Variants in TXK observed in about 807,000 individuals in gnomAD.
TXK encodes the protein TXK tyrosine kinase, also known as tyrosine-protein kinase TXK.
In TXK, 60 loss-of-function variants were observed where a neutral mutation model predicts 81.0. The observed-to-expected ratio is 0.74, with a 90% CI of 0.60 to 0.92. The LOEUF is 0.92. Among genes scored for constraint, TXK ranks in the 40% least tolerant of loss-of-function variants. The probability of loss-of-function intolerance (pLI) is 0.00; values close to 1 mark genes in which losing one functional copy is unlikely to be tolerated. For missense variants in TXK, 581 were observed against 638.3 expected, an observed-to-expected ratio of 0.91 and a Z score of 0.97; for synonymous variants, 203 against 210.7, an observed-to-expected ratio of 0.96 and a Z score of 0.32.
intron 5 of TXK, among the ~76,000 whole-genome samples, chr4:48,106,693 A>C (rs953247034): frequency 1.3e-5 from 2 of 152,164 alleles, no homozygotes; most frequent in Non-Finnish European, 2.9e-5. Flanking sequence ...TCTCTTAGTA[A>C]ATGACTTTCT....
chr4:48,120,491 CTT>C (rs1217036533), intron 1 of TXK, among the ~76,000 whole-genome samples: 16 of 142,428 alleles, frequency 1.1e-4, no homozygotes, highest in Admixed American at 1.4e-4. Context: ...AAATAAGTCT[CTT>C]TTTTTTTTTT....
At chr4:48,112,649 A>C in intron 3 of TXK, 137 bp from the exon 4 acceptor site, 1 of 845,124 alleles carries the variant, frequency 1.2e-6, no homozygotes, top group Non-Finnish European at 1.8e-6. Context: ...GATGAGATAA[A>C]TGTAGAAAAG....
At chr4:48,114,606 G>A in intron 1 of TXK, 2 of 579,276 alleles carry the variant, frequency 3.5e-6, no homozygotes, top group East Asian at 2.9e-5. Context: ...CCCTTCTCAG[G>A]CTCTTCTCCT....
chr4:48,086,417 T>C (rs1044511668), intron 10 of TXK, 49 bp downstream of exon 10: 4 of 1,590,884 alleles, frequency 2.5e-6, no homozygotes, highest in Middle Eastern at 1.7e-4. Context: ...GTTGTTTCCA[T>C]GACACCAGGG....
intron 1 of TXK, among the ~76,000 whole-genome samples, chr4:48,125,188 TCAAACCCAGAGTC>T (rs1341175163): frequency 2.0e-5 from 3 of 152,172 alleles, no homozygotes; most frequent in Non-Finnish European, 2.9e-5. Context: ...GAGCCAGAAG[TCAAACCCAGAGTC>T]CATGAGCATC....
At position 48,128,622 on chromosome 4, in the gene TXK, G is replaced by GT. The variant is rs548641082; in HGVS notation, c.16+5532dup. On this transcript the variant is annotated intron_variant, in intron 1 of 14. Coordinates refer to ENST00000264316, the MANE Select transcript of TXK (RefSeq NM_003328.3). ...ACTCTGTCTCCCAGGCTGGAGTGTG[G>GT]TGGCACGATCTCAGCTCACTGCAAC... Among the ~76,000 whole-genome samples the GT allele has an allele frequency of 1.4e-3, 195 of 141,406 alleles. 1 individual carries two copies. The highest frequency in any genetic ancestry group is 5.1e-3 in the African/African-American group (190 of 37,012). 92.8% of individuals were successfully genotyped at this position (141,406 alleles called of 152,430 possible). A position where few individuals can be genotyped will look rare whatever the true frequency, so the allele number is the denominator to read the frequency against.
chr4:48,091,521 T>TC (rs1305509841), intron 8 of TXK, among the ~76,000 whole-genome samples: 1 of 151,994 alleles, frequency 6.6e-6, no homozygotes, highest in Non-Finnish European at 1.5e-5. Context: ...TTTTTTTTTT[T>TC]TGAGATGGAG....
chr4:48,126,054 T>C (rs1028640111), intron 1 of TXK, among the ~76,000 whole-genome samples: 2 of 152,280 alleles, frequency 1.3e-5, no homozygotes, highest in East Asian at 1.9e-4. Context: ...CTGGGCACCA[T>C]GGCCAAGCCA....
rs1560340146 is a variant in TXK at position 48,076,422 on chromosome 4, A to G, written c.1218T>C (p.Ile406=). 1 of 1,612,820 alleles carries G rather than the reference A, an allele frequency of 6.2e-7. No individual in the cohort carries two copies. The highest frequency in any genetic ancestry group is 8.5e-7 in the Non-Finnish European group (1 of 1,179,544). Residue 406 remains isoleucine (I), a synonymous_variant, in exon 12 of 15, where the codon ATT becomes ATC. Coordinates refer to ENST00000264316, the MANE Select transcript of TXK (RefSeq NM_003328.3). ...TGTACCTTGTCATTCCAAAGTCTGA[A>G]ATTTTTACTATGCATGTTGAACTGA... is the stretch of plus-strand genomic sequence containing the variant. ...CLVSSTCIVK[I]SDFGMTRYVL... is the part of the protein sequence containing the mutation.
At chr4:48,133,591 C>T (rs16861011) in intron 1 of TXK, among the ~76,000 whole-genome samples, 3,652 of 152,186 alleles carry the variant, frequency 0.024, 160 homozygotes, top group African/African-American at 0.085. Flanking sequence ...TAACGGAAGT[C>T]TACATAGAAT....
intron 11 of TXK, among the ~76,000 whole-genome samples, chr4:48,079,383 T>C (rs923119046): frequency 1.2e-4 from 19 of 152,188 alleles, no homozygotes; most frequent in Non-Finnish European, 4.4e-5. Context: ...TTGCAGACCC[T>C]GCACTTGATG....
In TXK at chr4:48,088,811, C is replaced by T. The variant is rs187960850; in HGVS notation, c.784+939G>A. Reference sequence around the variant, plus strand: ...CAATAATAGCCAGAAATCTTGCTTCCATCCCACTTAACTTAATGAGATCCT... The same window carrying T: ...CAATAATAGCCAGAAATCTTGCTTCTATCCCACTTAACTTAATGAGATCCT... On this transcript the variant is annotated intron_variant, in intron 9 of 14. Transcript: ENST00000264316. Among the ~76,000 whole-genome samples the T allele has an allele frequency of 1.6e-4, 24 of 152,216 alleles. No individual in the cohort carries two copies. The East Asian group carries it at 4.2e-3, about 27-fold the overall frequency.
At chr4:48,076,932 C>T (rs530531752) in intron 11 of TXK, among the ~76,000 whole-genome samples, 16 of 152,198 alleles carry the variant, frequency 1.1e-4, no homozygotes, top group Non-Finnish European at 2.1e-4. Context: ...CCCAGGCTGC[C>T]CTCAGGATTA....
Position 48,067,763 on chromosome 4 carries a change from C to T in TXK, c.1516-58G>A. The T allele has an allele frequency of 2.6e-6, 4 of 1,536,122 alleles. No homozygotes were observed. The South Asian group carries it at 4.5e-5, about 17-fold the overall frequency. On this transcript the variant is annotated intron_variant, in intron 14 of 14. Coordinates refer to ENST00000264316, the MANE Select transcript of TXK (RefSeq NM_003328.3). ...CTTAACCAACTTATGCCAAGGGTTCCATTTTTGGAACGCTAAGCATGTGGG... is the reference window on the plus strand; with the variant it reads ...CTTAACCAACTTATGCCAAGGGTTCTATTTTTGGAACGCTAAGCATGTGGG...
At chr4:48,133,007 A>C (rs1036782345) in intron 1 of TXK, among the ~76,000 whole-genome samples, 1 of 152,160 alleles carries the variant, frequency 6.6e-6, no homozygotes, top group African/African-American at 2.4e-5. Context: ...GTTTCTGGCA[A>C]GATTTAAACT....
intron 6 of TXK, among the ~76,000 whole-genome samples, chr4:48,098,931 AAAAC>A: frequency 7.4e-6 from 1 of 135,048 alleles, no homozygotes; most frequent in Admixed American, 8.1e-5. Flanking sequence ...AGACTGTCAA[AAAAC>A]AAACATACAA....
At chr4:48,130,490 C>T (rs1719223440) in intron 1 of TXK, among the ~76,000 whole-genome samples, 1 of 152,102 alleles carries the variant, frequency 6.6e-6, no homozygotes, top group East Asian at 1.9e-4. Flanking sequence ...AAGCAGCCGG[C>T]GATGCAGGAG....
Position 48,112,490 on chromosome 4 carries a change from G to C in TXK, c.197C>G (p.Pro66Arg). Residue 66 changes from proline to arginine, a missense_variant, in exon 4 of 15, where the codon CCG becomes CGG. Transcript: ENST00000264316. ...GGGAGGCAGTGGCTTTCGTTTTGAC[G>C]GCTGCACACGGCCCGTGTTGGACTG... ...KKQSNTGRVQ[P>R]SKRKPLPPLP... 1.9e-6 allele frequency: 3 copies of C among 1,613,940 alleles called. No homozygotes were observed. The highest frequency in any genetic ancestry group is 2.2e-5 in the East Asian group (1 of 44,882).
intron 1 of TXK, among the ~76,000 whole-genome samples, chr4:48,116,439 G>A (rs573744887): frequency 6.6e-6 from 1 of 152,288 alleles, no homozygotes; most frequent in African/African-American, 2.4e-5. Context: ...CTCAAACTGG[G>A]ATATGTTGAG....
Sources: gnomAD v4.1 joint callset for allele counts (sites outside exome capture counted in the v4.1 genomes callset) on GRCh38, gnomAD v4.1.1 for gene constraint, MANE v1.5 for transcripts, NCBI Gene and HGNC (gene_info 2026-07-23, HGNC 2026-07-21) for gene names.